Variants in CNTNAP2 observed in about 807,000 individuals in gnomAD.
CNTNAP2 encodes the protein contactin associated protein 2.
Under a neutral mutation model 155.2 loss-of-function variants are expected in CNTNAP2, and 98 were observed. The ratio of observed to expected loss-of-function variants is 0.63; its 90% CI spans 0.54 to 0.75. The LOEUF (loss-of-function observed/expected upper bound fraction) is 0.75. CNTNAP2 is among the 30% of genes least tolerant of loss of function. CNTNAP2 has a pLI of 0.00. For missense variants in CNTNAP2, 1,727 were observed against 1,688.1 expected (o/e 1.02, Z -0.40); for synonymous variants, 651 against 631.2 (o/e 1.03, Z -0.47).
intron 3 of CNTNAP2, among the ~76,000 whole-genome samples, chr7:146,959,436 A>T (rs1797509060): frequency 6.6e-6 from 1 of 152,034 alleles, no homozygotes; most frequent in Admixed American, 6.6e-5. Flanking sequence ...AAAAAGAAAG[A>T]AGCCTGGGCA....
At chr7:147,339,479 T>G (rs538690611) in intron 9 of CNTNAP2, among the ~76,000 whole-genome samples, 34 of 152,292 alleles carry the variant, frequency 2.2e-4, no homozygotes, top group Admixed American at 2.0e-3. Flanking sequence ...CAGACACAGC[T>G]GCCCAGTCTT....
At chr7:147,567,606 A>C (rs1469651139) in intron 12 of CNTNAP2, among the ~76,000 whole-genome samples, 1 of 152,150 alleles carries the variant, frequency 6.6e-6, no homozygotes, top group Non-Finnish European at 1.5e-5. Context: ...AGTTGGCCAG[A>C]CCGTTCCTGA....
chr7:147,467,086 T>C (rs1798133384), intron 10 of CNTNAP2, among the ~76,000 whole-genome samples: 1 of 152,214 alleles, frequency 6.6e-6, no homozygotes, highest in Non-Finnish European at 1.5e-5. Flanking sequence ...AAAATCACAC[T>C]GAAAATAAGA....
chr7:147,096,947 A>ATGTG (rs1491449644), intron 4 of CNTNAP2, among the ~76,000 whole-genome samples: 1 of 152,186 alleles, frequency 6.6e-6, no homozygotes, highest in Non-Finnish European at 1.5e-5. Context: ...ATCTCACAAC[A>ATGTG]TGTGTACCTT....
intron 11 of CNTNAP2, among the ~76,000 whole-genome samples, chr7:147,506,417 G>A (rs772924011): frequency 3.3e-5 from 5 of 152,086 alleles, no homozygotes; most frequent in African/African-American, 4.8e-5. Context: ...CACCATGCCC[G>A]GCTAATTTTA....
chr7:148,005,674 T>A (rs748203970), intron 15 of CNTNAP2, among the ~76,000 whole-genome samples: 7 of 152,002 alleles, frequency 4.6e-5, no homozygotes. Context: ...ATGTCTTCCC[T>A]CCAAAAGCTC....
At chr7:146,403,579 G>A (rs1342469607) in intron 1 of CNTNAP2, among the ~76,000 whole-genome samples, 1 of 151,986 alleles carries the variant, frequency 6.6e-6, no homozygotes, top group Non-Finnish European at 1.5e-5. Context: ...CTGAAATATT[G>A]CCTTTAGCCC....
chr7:147,646,068 G>A (rs554216506), intron 13 of CNTNAP2, among the ~76,000 whole-genome samples: 35 of 152,310 alleles, frequency 2.3e-4, no homozygotes, highest in African/African-American at 6.0e-4. Context: ...GAGTCTGTCC[G>A]CACCAGAGTG....
intron 8 of CNTNAP2, among the ~76,000 whole-genome samples, chr7:147,259,010 G>A (rs368319809): frequency 6.6e-6 from 1 of 152,194 alleles, no homozygotes; most frequent in Non-Finnish European, 1.5e-5. Context: ...GTATGGGATG[G>A]TTTCATATGG....
intron 21 of CNTNAP2, among the ~76,000 whole-genome samples, chr7:148,272,309 C>T (rs1796795421): frequency 6.6e-6 from 1 of 152,206 alleles, no homozygotes; most frequent in Non-Finnish European, 1.5e-5. Flanking sequence ...TCATATCCAT[C>T]CATCTTTTAC....
chr7:147,623,911 CA>C (rs1219546948), intron 12 of CNTNAP2, among the ~76,000 whole-genome samples: 1 of 151,946 alleles, frequency 6.6e-6, no homozygotes, highest in Admixed American at 6.6e-5. Context: ...AGCATAAAAA[CA>C]GACATGTAGA....
chr7:146,751,206 A>C (rs1305638368), intron 1 of CNTNAP2, among the ~76,000 whole-genome samples: 2 of 152,200 alleles, frequency 1.3e-5, no homozygotes, highest in Non-Finnish European at 2.9e-5. Context: ...CTCAAATTCG[A>C]GCATACAAAT....
intron 10 of CNTNAP2, among the ~76,000 whole-genome samples, chr7:147,464,358 A>G (rs7793608): frequency 0.78 from 118,553 of 151,560 alleles, 46,728 homozygotes; most frequent in African/African-American, 0.88. Flanking sequence ...TCCCAGCTAC[A>G]CGGGAGGCTG....
chr7:147,328,384 C>A (rs1795498510), intron 9 of CNTNAP2, among the ~76,000 whole-genome samples: 1 of 152,164 alleles, frequency 6.6e-6, no homozygotes, highest in South Asian at 2.1e-4. Context: ...AGGTTGTGAC[C>A]AGTACATTTG....
chr7:147,839,790 G>C (rs1043240225), intron 13 of CNTNAP2, among the ~76,000 whole-genome samples: 2 of 152,122 alleles, frequency 1.3e-5, no homozygotes, highest in Non-Finnish European at 2.9e-5. Context: ...GCCTGCACTT[G>C]TATGCTTATT....
Position 147,395,645 on chromosome 7 carries a change from T to C in CNTNAP2, c.1535T>C (p.Val512Ala). The C allele has an allele frequency of 6.2e-7, 1 of 1,612,432 alleles. No homozygotes were observed. The highest frequency in any genetic ancestry group is 1.1e-5 in the South Asian group (1 of 91,068). The change falls in exon 10 of 24, where the codon GTC (valine) becomes GCC (alanine). Residue 512 changes from valine (V) to alanine (A), a missense_variant. Coordinates refer to ENST00000361727, the MANE Select transcript of CNTNAP2 (RefSeq NM_014141.6). ...CAGATGAATAACTCAAGTCACTCTGTCCTTCAGCCTTCATTCCAAGGATGC... is the reference window on the plus strand; with the variant it reads ...CAGATGAATAACTCAAGTCACTCTGCCCTTCAGCCTTCATTCCAAGGATGC... ...LNQMNNSSHS[V>A]LQPSFQGCMQ...
At chr7:146,887,651 T>C (rs991266826) in intron 3 of CNTNAP2, among the ~76,000 whole-genome samples, 2 of 152,160 alleles carry the variant, frequency 1.3e-5, no homozygotes, top group Non-Finnish European at 2.9e-5. Flanking sequence ...ATACGGTCTA[T>C]ATTCCCCTGT....
chr7:146,932,885 G>A (rs188755812), intron 3 of CNTNAP2, among the ~76,000 whole-genome samples: 3 of 152,146 alleles, frequency 2.0e-5, no homozygotes, highest in African/African-American at 7.2e-5. Flanking sequence ...CACAAGGGAT[G>A]TGAAGGACCT....
At chr7:147,202,047 C>T (rs1554450839) in intron 8 of CNTNAP2, among the ~76,000 whole-genome samples, 1 of 151,670 alleles carries the variant, frequency 6.6e-6, no homozygotes, top group Non-Finnish European at 1.5e-5. Context: ...TAAATATTTG[C>T]ATTACGAGAA....
Sources: allele counts gnomAD v4.1 joint callset (sites outside exome capture counted in the v4.1 genomes callset), GRCh38; gene constraint gnomAD v4.1.1; transcripts MANE v1.5; gene names NCBI Gene and HGNC (gene_info 2026-07-23, HGNC 2026-07-21).